Variants in ZNF536 observed in about 807,000 individuals in gnomAD.
ZNF536 encodes the protein zinc finger protein 536.
ZNF536 carries 13 observed loss-of-function variants against 84.5 expected under a neutral mutation model. The observed-to-expected ratio is 0.15, with a 90% CI of 0.10 to 0.24. ZNF536 has a LOEUF of 0.24. Ranked by LOEUF, ZNF536 falls within the 10% of genes least tolerant of loss-of-function variation. The probability of loss-of-function intolerance (pLI) is 1.00; values close to 1 mark genes in which losing one functional copy is unlikely to be tolerated. For synonymous variants in ZNF536, 811 were observed against 742.5 expected (o/e 1.09, Z -1.50); for missense variants, 1,536 against 1,747.5 (o/e 0.88, Z 2.16).
intron 1 of ZNF536, among the ~76,000 whole-genome samples, chr19:30,637,573 C>G (rs2049112508): frequency 6.6e-6 from 1 of 152,220 alleles, no homozygotes; most frequent in Admixed American, 6.5e-5. Context: ...AGCAAGCATT[C>G]ATCCTTTACG....
At chr19:30,283,347 T>C (rs2045518901) in intron 1 of ZNF536, among the ~76,000 whole-genome samples, 1 of 152,224 alleles carries the variant, frequency 6.6e-6, no homozygotes. Flanking sequence ...CCAGCAGCTC[T>C]GCATCCATCA....
intron 1 of ZNF536, among the ~76,000 whole-genome samples, chr19:30,430,373 CTG>C (rs1190341601): frequency 6.6e-6 from 1 of 152,192 alleles, no homozygotes; most frequent in Non-Finnish European, 1.5e-5. Context: ...GTGCCTGGCT[CTG>C]TGTTGGGTGC....
intron 1 of ZNF536, among the ~76,000 whole-genome samples, chr19:30,674,002 T>C (rs73927147): frequency 1.4e-3 from 217 of 152,318 alleles, no homozygotes; most frequent in African/African-American, 5.0e-3. Context: ...AATTCCCCAT[T>C]TGAATCCTTC....
chr19:30,253,054 C>T (rs1184166821), intron 1 of ZNF536, among the ~76,000 whole-genome samples: 1 of 152,146 alleles, frequency 6.6e-6, no homozygotes, highest in African/African-American at 2.4e-5. Context: ...GAAGTGGGCA[C>T]CCACAATGCT....
chr19:30,245,861 C>T (rs1478892320), intron 1 of ZNF536, among the ~76,000 whole-genome samples: 1 of 152,260 alleles, frequency 6.6e-6, no homozygotes, highest in Non-Finnish European at 1.5e-5. Context: ...GCCACGCAGT[C>T]CCTGCTGCAG....
chr19:30,475,811 G>A (rs893478754), intron 2 of ZNF536, among the ~76,000 whole-genome samples: 4 of 152,160 alleles, frequency 2.6e-5, no homozygotes, highest in African/African-American at 7.2e-5. Flanking sequence ...TGCTTGATGA[G>A]GGGTCCCCCT....
chr19:30,623,020 G>GTTTTTTTTTTTTTT (rs66483120), intron 1 of ZNF536, among the ~76,000 whole-genome samples: 1 of 129,542 alleles, frequency 7.7e-6, no homozygotes, highest in African/African-American at 3.0e-5. Flanking sequence ...AAAATCTTGT[G>GTTTTTTTTTTTTTT]TTTTTTTTTT....
rs117949715 is a variant in ZNF536 at position 30,468,092 on chromosome 19, C to T, written c.2170+22360C>T. On this transcript the variant is annotated intron_variant, in intron 2 of 4. Coordinates refer to ENST00000355537, the MANE Select transcript of ZNF536 (RefSeq NM_014717.3). The stretch of plus-strand genomic sequence containing the variant: ...ATGTGTCACCGCCCACGACAAGATA[C>T]GCTGCGTGGTTTCTGTAGGAAACTG... Among the ~76,000 whole-genome samples, 50 of 152,344 alleles carry T rather than the reference C, an allele frequency of 3.3e-4. No homozygotes were observed. In the East Asian group the frequency reaches 9.1e-3, roughly 28 times the overall value.
rs113523872 is a variant in ZNF536, at chr19:30,621,588, A to G, written c.169+72074A>G. On this transcript the variant is annotated intron_variant, in intron 1 of 1. Transcript: ENST00000592773. ...CCTCCAAGCGCCAGACCTAAAAACAATATCTTTAAAACTGCCAGCCATAAT... is the reference window on the plus strand; with the variant it reads ...CCTCCAAGCGCCAGACCTAAAAACAGTATCTTTAAAACTGCCAGCCATAAT... Among the ~76,000 whole-genome samples, 12 of 152,386 alleles carry G rather than the reference A, an allele frequency of 7.9e-5. 1 individual carries two copies. The highest frequency in any genetic ancestry group is 1.4e-4 in the African/African-American group (6 of 41,606).
intron 2 of ZNF536, among the ~76,000 whole-genome samples, chr19:30,334,454 G>A (rs2047314343): frequency 6.6e-6 from 1 of 152,176 alleles, no homozygotes; most frequent in Non-Finnish European, 1.5e-5. Context: ...AAGACCCCAA[G>A]AAACAGAATC....
Position 30,315,515 on chromosome 19 carries a change from G to A in ZNF536, c.-120+31374G>A, listed in dbSNP as rs1237820666. ...TGAGAAGGTCAACAGGGGCCCGATA[G>A]GAAGGTCCTGAGTCCAGTGAAGGAT... On this transcript the variant is annotated intron_variant, in intron 2 of 5. Transcript: ENST00000585628. 3.9e-5 allele frequency among the ~76,000 whole-genome samples: 6 copies of A among 152,314 alleles called. No homozygotes were observed. The East Asian group carries it at 9.6e-4, about 24-fold the overall frequency.
chr19:30,449,612 A>G (rs985666036), intron 2 of ZNF536, among the ~76,000 whole-genome samples: 1 of 152,210 alleles, frequency 6.6e-6, no homozygotes, highest in Non-Finnish European at 1.5e-5. Flanking sequence ...GATGGTGGGA[A>G]GGGGGTAATT....
chr19:30,285,448 GA>G (rs925145071), intron 2 of ZNF536, among the ~76,000 whole-genome samples: 2 of 151,834 alleles, frequency 1.3e-5, no homozygotes, highest in African/African-American at 2.4e-5. Flanking sequence ...TAAAAAAGAA[GA>G]AAAAAAATTG....
intron 1 of ZNF536, among the ~76,000 whole-genome samples, chr19:30,392,019 T>C (rs983376743): frequency 3.3e-5 from 5 of 152,140 alleles, no homozygotes; most frequent in African/African-American, 1.2e-4. Flanking sequence ...TTAGGACCGA[T>C]GAAGCAAGTG....
chr19:30,507,005 A>T (rs1054662396), intron 2 of ZNF536, among the ~76,000 whole-genome samples: 3 of 152,238 alleles, frequency 2.0e-5, no homozygotes, highest in Non-Finnish European at 4.4e-5. Context: ...CGTAGTATAC[A>T]AATTGGTCTT....
chr19:30,660,495 T>A (rs531856794), intron 1 of ZNF536, among the ~76,000 whole-genome samples: 1 of 152,106 alleles, frequency 6.6e-6, no homozygotes, highest in East Asian at 1.9e-4. Flanking sequence ...AATATATAAA[T>A]GAAAGAAATT....
chr19:30,638,206 C>T (rs1386201910), intron 1 of ZNF536, among the ~76,000 whole-genome samples: 3 of 152,228 alleles, frequency 2.0e-5, no homozygotes, highest in African/African-American at 7.2e-5. Flanking sequence ...CAACCCAGAC[C>T]TCTGATCCAT....
At chr19:30,512,953 G>T (rs896799701) in intron 2 of ZNF536, among the ~76,000 whole-genome samples, 8 of 152,184 alleles carry the variant, frequency 5.3e-5, no homozygotes, top group African/African-American at 1.9e-4. Context: ...GTGTTATGTT[G>T]CTCTGGAGTA....
chr19:30,259,976 G>A (rs2025122102), intron 1 of ZNF536, among the ~76,000 whole-genome samples: 1 of 148,958 alleles, frequency 6.7e-6, no homozygotes, highest in African/African-American at 2.5e-5. Flanking sequence ...TCTTTGCCAG[G>A]CTGGTCTTGA....
Sources: gnomAD v4.1 joint callset for allele counts (sites outside exome capture counted in the v4.1 genomes callset) on GRCh38, gnomAD v4.1.1 for gene constraint, MANE v1.5 for transcripts, NCBI Gene and HGNC (gene_info 2026-07-23, HGNC 2026-07-21) for gene names.